Variants in GRK5 observed in about 807,000 individuals in gnomAD.
The protein encoded by GRK5 is g protein-coupled receptor kinase GRK5.
Under a neutral mutation model 78.4 loss-of-function variants are expected in GRK5, and 40 were observed. The ratio of observed to expected loss-of-function variants is 0.51; its 90% CI spans 0.40 to 0.66. The LOEUF (loss-of-function observed/expected upper bound fraction) is 0.66. Among genes scored for constraint, GRK5 ranks in the 30% least tolerant of loss-of-function variants. The pLI is 0.00. For missense variants in GRK5, 598 were observed against 759.9 expected, an observed-to-expected ratio of 0.79 and a Z score of 2.50; for synonymous variants, 289 against 296.8, an observed-to-expected ratio of 0.97 and a Z score of 0.27.
chr10:119,314,558 A>G (rs1446262341), intron 1 of GRK5, among the ~76,000 whole-genome samples: 1 of 152,100 alleles, frequency 6.6e-6, no homozygotes, highest in Non-Finnish European at 1.5e-5. Flanking sequence ...AAAGTGCGGG[A>G]TACACTCAAA....
chr10:119,217,095 A>G lies in GRK5; in HGVS notation c.52+9126A>G, dbSNP rs989369112. Among the ~76,000 whole-genome samples the G allele has an allele frequency of 9.2e-5, 14 of 152,184 alleles. No individual in the cohort carries two copies. Among genetic ancestry groups the G allele is most frequent in the African/African-American group, 3.4e-4 (14 of 41,444 alleles). Reference sequence around the variant, plus strand: ...AATCTTTCTTCCTTCCTCTCATAATATATGCCAAAACAACAAACTCTTCTC... The same window carrying G: ...AATCTTTCTTCCTTCCTCTCATAATGTATGCCAAAACAACAAACTCTTCTC... On this transcript the variant is annotated intron_variant, in intron 1 of 15. Coordinates refer to ENST00000392870, the MANE Select transcript of GRK5 (RefSeq NM_005308.3). The surrounding 1 kb of genome is among the most constrained non-coding windows in gnomAD (Gnocchi z 4.1).
intron 1 of GRK5, among the ~76,000 whole-genome samples, chr10:119,282,616 C>A (rs1049057268): frequency 5.9e-5 from 9 of 152,188 alleles, no homozygotes; most frequent in Admixed American, 4.6e-4. Context: ...TGGATCAAGG[C>A]CCCCTGTGGG....
intron 1 of GRK5, among the ~76,000 whole-genome samples, chr10:119,266,570 G>A (rs962319756): frequency 6.6e-6 from 1 of 152,164 alleles, no homozygotes; most frequent in African/African-American, 2.4e-5. Context: ...GTGTTTTCAA[G>A]GGTGAGGAAG....
chr10:119,320,571 C>G (rs564965900), intron 1 of GRK5, among the ~76,000 whole-genome samples: 1 of 152,202 alleles, frequency 6.6e-6, no homozygotes, highest in Non-Finnish European at 1.5e-5. Context: ...GCTTCACAAC[C>G]GAGCTCAGAG....
At position 119,319,671 on chromosome 10, in the gene GRK5, G is replaced by A. The variant is rs112266618; in HGVS notation, c.53-6845G>A. ...AGGATCCTTTGGGAAAGCAAATAAAGCCGGAGGCTCCTCGGGACAGGAAAT... is the reference window on the plus strand; with the variant it reads ...AGGATCCTTTGGGAAAGCAAATAAAACCGGAGGCTCCTCGGGACAGGAAAT... On this transcript the variant is annotated intron_variant, in intron 1 of 15. Coordinates refer to ENST00000392870, the MANE Select transcript of GRK5 (RefSeq NM_005308.3). Among the ~76,000 whole-genome samples, 424 of 152,356 alleles carry A rather than the reference G, an allele frequency of 2.8e-3. 2 individuals carry two copies. The highest frequency in any genetic ancestry group is 9.7e-3 in the African/African-American group (405 of 41,594).
At chr10:119,400,631 G>GC (rs1442491827) in intron 4 of GRK5, among the ~76,000 whole-genome samples, 1 of 152,110 alleles carries the variant, frequency 6.6e-6, no homozygotes, top group Admixed American at 6.5e-5. Flanking sequence ...TGGGGAGGGG[G>GC]CCCCTCTGAG....
At chr10:119,319,977 C>T (rs907487508) in intron 1 of GRK5, among the ~76,000 whole-genome samples, 3 of 152,218 alleles carry the variant, frequency 2.0e-5, no homozygotes, top group African/African-American at 2.4e-5. Context: ...TAGCTGCACC[C>T]GCCTCCTTCC....
chr10:119,286,701 C>T (rs944931185), intron 1 of GRK5, among the ~76,000 whole-genome samples: 3 of 152,244 alleles, frequency 2.0e-5, no homozygotes, highest in Non-Finnish European at 2.9e-5. Context: ...TGTTGCAGCC[C>T]GCCATGCAGG....
At chr10:119,347,906 G>A (rs1182180479) in intron 2 of GRK5, among the ~76,000 whole-genome samples, 1 of 152,212 alleles carries the variant, frequency 6.6e-6, no homozygotes, top group Admixed American at 6.5e-5. Flanking sequence ...GGTGAATGCC[G>A]AGGCTGCCAC....
At chr10:119,446,536 G>A (rs1483034488) in intron 12 of GRK5, among the ~76,000 whole-genome samples, 2 of 146,722 alleles carry the variant, frequency 1.4e-5, no homozygotes, top group Admixed American at 1.4e-4. Context: ...CCTGCAGAAG[G>A]AGACTTGCCT....
In GRK5 at chr10:119,425,020, A is replaced by G; in HGVS notation, c.468A>G (p.Glu156=). The change falls in exon 6 of 16, where the codon GAA becomes GAG. Residue 156 remains glutamate (E), a synonymous_variant. Coordinates refer to ENST00000392870, the MANE Select transcript of GRK5 (RefSeq NM_005308.3). ...AQSVHEYLRG[E]PFHEYLDSMF... is the part of the protein sequence containing the mutation. ...CTGTCCACGAGTACCTGAGGGGAGA[A>G]CCATTCCACGAATATCTGGACAGCA... is the stretch of plus-strand genomic sequence containing the variant. 1 of 1,613,776 alleles carries G rather than the reference A, an allele frequency of 6.2e-7. No individual in the cohort carries two copies.
In GRK5 at chr10:119,290,367, A is replaced by AAAAAAAC. The variant is rs1554903196; in HGVS notation, c.53-36146_53-36145insAAACAAA. Among the ~76,000 whole-genome samples, 146 of 137,562 alleles carry AAAAAAAC rather than the reference A, an allele frequency of 1.1e-3. 7 individuals carry two copies. Among genetic ancestry groups the AAAAAAAC allele is most frequent in the South Asian group, 2.0e-3 (8 of 4,050 alleles). 90.2% of individuals were successfully genotyped at this position (137,562 alleles called of 152,430 possible). A position where few individuals can be genotyped will look rare whatever the true frequency, so the allele number is the denominator to read the frequency against. On this transcript the variant is annotated intron_variant, in intron 1 of 15. Transcript: ENST00000392870. ...GTCTCAAAAAAAAAAAAAAAAACAA[A>AAAAAAAC]AAACAACTCTGTCCCCTTCTCCCTG... is the stretch of plus-strand genomic sequence containing the variant.
intron 1 of GRK5, among the ~76,000 whole-genome samples, chr10:119,307,479 G>A (rs528829365): frequency 3.9e-5 from 6 of 152,234 alleles, no homozygotes; most frequent in African/African-American, 9.6e-5. Flanking sequence ...AGTTCAGAGT[G>A]ATGCAGCTTG....
At chr10:119,450,629 T>C (rs887012230) in intron 13 of GRK5, among the ~76,000 whole-genome samples, 3 of 152,174 alleles carry the variant, frequency 2.0e-5, no homozygotes, top group African/African-American at 7.2e-5. Context: ...GGGACTGTCC[T>C]GCTTTTAGCA....
At position 119,436,678 on chromosome 10, in the gene GRK5, A is replaced by G; in HGVS notation, c.766A>G (p.Lys256Glu). The G allele has an allele frequency of 6.2e-7, 1 of 1,614,216 alleles. No homozygotes were observed. Among genetic ancestry groups the G allele is most frequent in the South Asian group, 1.1e-5 (1 of 91,086 alleles). Residue 256 changes from lysine to glutamate, a missense_variant, in exon 9 of 16, where the codon AAG becomes GAG. Coordinates refer to ENST00000392870, the MANE Select transcript of GRK5 (RefSeq NM_005308.3). ...CAACCTGGCCTATGCCTACGAGACCAAGGATGCACTGTGCTTGGTCCTGAC... is the reference window on the plus strand; with the variant it reads ...CAACCTGGCCTATGCCTACGAGACCGAGGATGCACTGTGCTTGGTCCTGAC... ...VVNLAYAYET[K>E]DALCLVLTIM...
intron 6 of GRK5, among the ~76,000 whole-genome samples, chr10:119,428,318 T>C (rs1269553036): frequency 6.6e-6 from 1 of 152,266 alleles, no homozygotes; most frequent in East Asian, 1.9e-4. Context: ...GGGACAATAA[T>C]GATCCCTGCT....
intron 13 of GRK5, among the ~76,000 whole-genome samples, chr10:119,451,527 G>A (rs966123805): frequency 1.2e-4 from 19 of 152,260 alleles, no homozygotes; most frequent in Admixed American, 2.0e-4. Flanking sequence ...TTCATTCTGC[G>A]CTGAGCATGT....
intron 1 of GRK5, among the ~76,000 whole-genome samples, chr10:119,270,979 G>T (rs1190648404): frequency 6.6e-6 from 1 of 152,242 alleles, no homozygotes; most frequent in African/African-American, 2.4e-5. Flanking sequence ...CAGAGAGCAA[G>T]GCTGAAGCGA....
chr10:119,366,931 G>A (rs1352401590), intron 2 of GRK5, among the ~76,000 whole-genome samples: 2 of 152,198 alleles, frequency 1.3e-5, no homozygotes, highest in Non-Finnish European at 2.9e-5. Context: ...GTGACCTTGT[G>A]CCATTTCCTT....
Sources: gnomAD v4.1 joint callset for allele counts (sites outside exome capture counted in the v4.1 genomes callset) on GRCh38, gnomAD v4.1.1 for gene constraint, Gnocchi (gnomAD v3.1) non-coding constraint, MANE v1.5 for transcripts, NCBI Gene and HGNC (gene_info 2026-07-23, HGNC 2026-07-21) for gene names.